PCDHA11: variants seen among roughly 807,000 people sequenced by gnomAD.
PCDHA11 encodes the protein protocadherin alpha-11.
Under a neutral mutation model 70.3 loss-of-function variants are expected in PCDHA11, and 61 were observed. The observed-to-expected ratio is 0.87, with a 90% CI of 0.71 to 1.07. The LOEUF is 1.07. PCDHA11 is among the 50% of genes least tolerant of loss of function. PCDHA11 has a pLI of 0.00. For missense variants in PCDHA11, 1,324 were observed against 1,237.5 expected (o/e 1.07, Z -1.05); for synonymous variants, 633 against 555.1 (o/e 1.14, Z -1.97).
chr5:140,871,695 T>C (rs1250599377), intron 1 of PCDHA11: 7 of 974,792 alleles, frequency 7.2e-6, no homozygotes, highest in Non-Finnish European at 8.8e-6. Flanking sequence ...CTGGCTTCTT[T>C]AACCAATAAA....
chr5:140,929,153 A>G (rs1554206749), intron 1 of PCDHA11: 1 of 1,614,164 alleles, frequency 6.2e-7, no homozygotes, highest in East Asian at 2.2e-5. Context: ...TCTCAGACTT[A>G]TCTCTATCGG....
At chr5:140,968,795 A>G in intron 1 of PCDHA11, 2 of 1,614,210 alleles carry the variant, frequency 1.2e-6, no homozygotes, top group Non-Finnish European at 1.7e-6. Context: ...TGTGGCCATT[A>G]CAGTAGCTGT....
chr5:140,993,270 G>A (rs190721014), intron 3 of PCDHA11, among the ~76,000 whole-genome samples: 360 of 151,912 alleles, frequency 2.4e-3, no homozygotes, highest in African/African-American at 8.3e-3. Context: ...AGCTTCTTTG[G>A]TCTTTTCTTG....
intron 3 of PCDHA11, among the ~76,000 whole-genome samples, chr5:140,991,068 T>A (rs1563570560): frequency 6.6e-6 from 1 of 152,216 alleles, no homozygotes; most frequent in Admixed American, 6.5e-5. Flanking sequence ...ATTATTCCCA[T>A]GTTTCAGATA....
chr5:140,869,718 T>C lies in PCDHA11; in HGVS notation c.615T>C (p.Thr205=). The C allele has an allele frequency of 6.2e-7, 1 of 1,613,408 alleles. No homozygotes were observed. Among genetic ancestry groups the C allele is most frequent in the Non-Finnish European group, 8.5e-7 (1 of 1,179,874 alleles). ...AGAAGTCTCTGGATAGAGAGAAAAC[T>C]CCGGAACTTAATTTGCTGCTAACAG... ...ILKKSLDREK[T]PELNLLLTAT... The change falls in exon 1 of 4, where the codon ACT becomes ACC. Residue 205 remains threonine, a synonymous_variant. Transcript: ENST00000398640.
chr5:140,871,524 G>A (rs1554165700), intron 1 of PCDHA11, 30 bp downstream of exon 1: 3 of 1,546,672 alleles, frequency 1.9e-6, no homozygotes, highest in Middle Eastern at 1.7e-4. Flanking sequence ...CACCTATCAG[G>A]AAGTGTATGT....
chr5:140,979,807 A>T (rs376087021), intron 2 of PCDHA11, among the ~76,000 whole-genome samples: 2 of 152,258 alleles, frequency 1.3e-5, no homozygotes, highest in African/African-American at 4.8e-5. Flanking sequence ...CACAACTATC[A>T]AAAGGATTTA....
At chr5:140,966,463 TC>T in intron 1 of PCDHA11, 1 of 429,360 alleles carries the variant, frequency 2.3e-6, no homozygotes, top group Non-Finnish European at 4.0e-6. Flanking sequence ...CCCTCTGTCT[TC>T]CCTTCTGTTT....
chr5:140,902,024 C>T (rs1554190174), intron 1 of PCDHA11, among the ~76,000 whole-genome samples: 5 of 152,016 alleles, frequency 3.3e-5, no homozygotes, highest in Non-Finnish European at 1.5e-5. Flanking sequence ...TATAGAAATA[C>T]TACTAATTTT....
intron 1 of PCDHA11, 59 bp downstream of exon 1, chr5:140,871,553 G>GT (rs555355563): frequency 9.2e-4 from 1,372 of 1,491,042 alleles, no homozygotes; most frequent in South Asian, 9.1e-4. Flanking sequence ...TTAAAATCCA[G>GT]TTTTTTTTCA....
chr5:140,887,537 C>T (rs530539711), intron 1 of PCDHA11, among the ~76,000 whole-genome samples: 5 of 152,250 alleles, frequency 3.3e-5, no homozygotes, highest in Admixed American at 1.3e-4. Context: ...TTCCTCTCCC[C>T]ACCCCTCATG....
At chr5:140,884,538 G>A (rs781889228) in intron 1 of PCDHA11, 21 of 1,613,994 alleles carry the variant, frequency 1.3e-5, no homozygotes, top group Non-Finnish European at 1.8e-5. Context: ...AGGCGGCCGA[G>A]GGTGTGCTCT....
In PCDHA11 at chr5:141,007,395, CAAAAAAAAA is replaced by C. The variant is rs35800918; in HGVS notation, c.2540-2217_2540-2209del. 1.6e-4 allele frequency among the ~76,000 whole-genome samples: 15 copies of C among 94,844 alleles called. No individual in the cohort carries two copies. The East Asian group carries it at 2.4e-3, about 15-fold the overall frequency. The allele number at this position is 94,844 out of a possible 152,430, so 62.2% of individuals were successfully genotyped here. A position where few individuals can be genotyped will look rare whatever the true frequency, so the allele number is the denominator to read the frequency against. On this transcript the variant is annotated intron_variant, in intron 3 of 3. Transcript: ENST00000398640. The stretch of plus-strand genomic sequence containing the variant: ...ATGGAACACCATCTCTACTAAAATA[CAAAAAAAAA>C]AAAAAAAAAAAAAATTAGCCAGGCA...
intron 1 of PCDHA11, chr5:140,883,398 G>C: frequency 6.2e-7 from 1 of 1,614,166 alleles, no homozygotes; most frequent in Non-Finnish European, 8.5e-7. Context: ...GTGTCCGATC[G>C]TGACTCTGGC....
intron 1 of PCDHA11, chr5:140,966,441 CT>C (rs1165111455): frequency 7.1e-6 from 3 of 424,684 alleles, no homozygotes; most frequent in African/African-American, 4.1e-5. Context: ...CTACCGCTCC[CT>C]TTCCCCCTCC....
intron 1 of PCDHA11, among the ~76,000 whole-genome samples, chr5:140,880,559 G>A (rs929072104): frequency 2.0e-5 from 3 of 152,224 alleles, no homozygotes; most frequent in Non-Finnish European, 4.4e-5. Context: ...TGGAAATGAG[G>A]TTGAGAATTT....
chr5:140,958,066 C>T (rs782243559), intron 1 of PCDHA11, among the ~76,000 whole-genome samples: 2 of 151,900 alleles, frequency 1.3e-5, no homozygotes, highest in African/African-American at 4.8e-5. Context: ...AGAAAAAACA[C>T]AGAAGCAAAA....
At chr5:141,005,824 G>T (rs1380044629) in intron 3 of PCDHA11, among the ~76,000 whole-genome samples, 2 of 151,660 alleles carry the variant, frequency 1.3e-5, no homozygotes, top group African/African-American at 4.8e-5. Flanking sequence ...ATGGTGGCCT[G>T]TAGTCCCAGC....
intron 1 of PCDHA11, among the ~76,000 whole-genome samples, chr5:140,901,961 C>T (rs62384485): frequency 2.0e-5 from 3 of 151,946 alleles, no homozygotes; most frequent in Non-Finnish European, 2.9e-5. Flanking sequence ...TCGTGGCTAT[C>T]GTAAATGGGA....
Sources: gnomAD v4.1 joint callset for allele counts (sites outside exome capture counted in the v4.1 genomes callset) on GRCh38, gnomAD v4.1.1 for gene constraint, MANE v1.5 for transcripts, NCBI Gene and HGNC (gene_info 2026-07-23, HGNC 2026-07-21) for gene names.